HID1: variants seen among roughly 807,000 people sequenced by gnomAD.
The protein encoded by HID1 is protein HID1.
In HID1, 42 loss-of-function variants were observed where a neutral mutation model predicts 89.7. The ratio of observed to expected loss-of-function variants is 0.47; its 90% CI spans 0.37 to 0.61. The LOEUF (loss-of-function observed/expected upper bound fraction) is 0.61, where lower values mean the gene tolerates loss of function less well. Among genes scored for constraint, HID1 ranks in the 20% least tolerant of loss-of-function variants. HID1 has a pLI of 0.00. For missense variants in HID1, 854 were observed against 1,039.3 expected (o/e 0.82, Z 2.45); for synonymous variants, 442 against 433.8 (o/e 1.02, Z -0.24).
Position 74,960,248 on chromosome 17 carries a change from T to A in HID1, c.729A>T (p.Arg243Ser). The A allele has an allele frequency of 1.2e-6, 2 of 1,606,876 alleles. No individual in the cohort carries two copies. The highest frequency in any genetic ancestry group is 8.5e-7 in the Non-Finnish European group (1 of 1,179,174). The change falls in exon 7 of 19, where the codon AGA (arginine) becomes AGT (serine). Residue 243 changes from arginine (R) to serine (S), a missense_variant and splice_region_variant. Physicochemically the swap from Arg to Ser is moderately radical, Grantham distance 110 (BLOSUM62 -1). Coordinates refer to ENST00000425042, the MANE Select transcript of HID1 (RefSeq NM_030630.3). ...GGGAGGTGAAGAGGGGCAGGGCATG[T>A]CTGCAGCAGGAGAGGGACAAGGCTG... The part of the protein sequence containing the change: ...WVQFFCSTEN[R>S]HALPLFTSLL...
intron 1 of HID1, among the ~76,000 whole-genome samples, chr17:74,971,604 C>T (rs889242126): frequency 2.6e-5 from 4 of 152,024 alleles, no homozygotes; most frequent in Admixed American, 2.6e-4. Context: ...GGTGGGGGGG[C>T]CAGGAAAGAG....
Position 74,958,357 on chromosome 17 carries a change from G to A in HID1, c.1362C>T (p.Phe454=). The A allele has an allele frequency of 6.2e-7, 1 of 1,613,266 alleles. No individual in the cohort carries two copies. The highest frequency in any genetic ancestry group is 8.5e-7 in the Non-Finnish European group (1 of 1,179,706). Residue 454 remains phenylalanine, a synonymous_variant, in exon 11 of 19, where the codon TTC becomes TTT. Coordinates refer to ENST00000425042, the MANE Select transcript of HID1 (RefSeq NM_030630.3). The surrounding 1 kb of genome is among the most constrained non-coding windows in gnomAD (Gnocchi z 5.2). Reference sequence around the variant, plus strand: ...TGAGCAGGTCGGCGTGGGTCCCTGTGAAGACTGGGATGTCCATGGGCACGC... The same window carrying A: ...TGAGCAGGTCGGCGTGGGTCCCTGTAAAGACTGGGATGTCCATGGGCACGC... ...SIRVPMDIPV[F]TGTHADLLIV...
rs373878391 is a variant in HID1 at position 74,963,820 on chromosome 17, G to A, written c.307C>T (p.Arg103Cys). The A allele has an allele frequency of 4.3e-5, 69 of 1,613,980 alleles. No individual in the cohort carries two copies. Among genetic ancestry groups the A allele is most frequent in the Non-Finnish European group, 5.4e-5 (64 of 1,179,998 alleles). The change falls in exon 3 of 19, where the codon CGC (arginine) becomes TGC (cysteine). Residue 103 changes from arginine (R) to cysteine (C), a missense_variant. Coordinates refer to ENST00000425042, the MANE Select transcript of HID1 (RefSeq NM_030630.3). ...IVLNCSRLLT[R>C]VLPYIFEDPD... Reference sequence around the variant, plus strand: ...TCCTCAAAGATGTAGGGCAGCACGCGGGTGAGCAGCCGGCTGCAGTTCAGG... The same window carrying A: ...TCCTCAAAGATGTAGGGCAGCACGCAGGTGAGCAGCCGGCTGCAGTTCAGG...
rs567284964 is a variant in HID1 at position 74,955,402 on chromosome 17, G to A, written c.1636+390C>T. Among the ~76,000 whole-genome samples, 4 of 152,230 alleles carry A rather than the reference G, an allele frequency of 2.6e-5. No individual in the cohort carries two copies. In the South Asian group the frequency reaches 6.2e-4, roughly 24 times the overall value. The stretch of plus-strand genomic sequence containing the variant: ...TGTAATCCCAGCTACTTGGGAGGCC[G>A]AGGCAGTAGAATTGCATGAACCTGG... On this transcript the variant is annotated intron_variant, in intron 13 of 18. Coordinates refer to ENST00000425042, the MANE Select transcript of HID1 (RefSeq NM_030630.3).
rs998960225 is a variant in HID1 at position 74,972,543 on chromosome 17, C to T, written c.66+48G>A. ...TTCGCGTACCCCCGGCCCTGCCCAG[C>T]CCCCAGCCCGGCAGGTGGATGGGGA... is the stretch of plus-strand genomic sequence containing the variant. On this transcript the variant is annotated intron_variant, in intron 1 of 18. Transcript: ENST00000425042. The surrounding 1 kb of genome is among the most constrained non-coding windows in gnomAD (Gnocchi z 6.4). 5 of 1,509,422 alleles carry T rather than the reference C, an allele frequency of 3.3e-6. No homozygotes were observed. Among genetic ancestry groups the T allele is most frequent in the Non-Finnish European group, 4.5e-6 (5 of 1,115,838 alleles). The allele number at this position is 1,509,422 out of a possible 1,614,324, so 93.5% of individuals were successfully genotyped here.
At chr17:74,969,922 CTTTT>C (rs61436029) in intron 1 of HID1, among the ~76,000 whole-genome samples, 1 of 112,150 alleles carries the variant, frequency 8.9e-6, no homozygotes, top group Non-Finnish European at 1.7e-5. Context: ...TTTCTTTTTT[CTTTT>C]TTTTTTTTTT....
At chr17:74,964,750 G>A (rs781162546) in intron 1 of HID1, 118 bp from the exon 2 acceptor site, 6 of 1,068,504 alleles carry the variant, frequency 5.6e-6, no homozygotes, top group Non-Finnish European at 6.7e-6. Flanking sequence ...TACCTGCTGG[G>A]GTCCCAGAGC....
At chr17:74,964,770 T>A in intron 1 of HID1, 138 bp from the exon 2 acceptor site, 1 of 833,174 alleles carries the variant, frequency 1.2e-6, no homozygotes, top group Non-Finnish European at 1.8e-6. Context: ...CCATCCCACA[T>A]GGGTGGGGGA....
chr17:74,972,738 C>G lies in HID1; in HGVS notation c.-82G>C. On this transcript the variant is annotated 5_prime_UTR_variant, in exon 1 of 19. Coordinates refer to ENST00000425042, the MANE Select transcript of HID1 (RefSeq NM_030630.3). The surrounding 1 kb of genome is among the most constrained non-coding windows in gnomAD (Gnocchi z 6.4). The stretch of plus-strand genomic sequence containing the variant: ...TCAGCTCCGGCTCCAGCTCCGCGGC[C>G]CCCGCGGCTCTCGCAGGAGACAAGC... 7.5e-7 allele frequency: 1 copy of G among 1,334,336 alleles called. No homozygotes were observed. The highest frequency in any genetic ancestry group is 1.0e-6 in the Non-Finnish European group (1 of 997,466). 82.7% of individuals were successfully genotyped at this position (1,334,336 alleles called of 1,614,324 possible).
At chr17:74,969,490 T>C (rs938420117) in intron 1 of HID1, among the ~76,000 whole-genome samples, 1 of 151,914 alleles carries the variant, frequency 6.6e-6, no homozygotes. Context: ...CTAGCCAATA[T>C]CTGATCTTTG....
intron 18 of HID1, 120 bp from the exon 19 acceptor site, chr17:74,951,753 C>T (rs1279994321): frequency 1.5e-6 from 2 of 1,342,974 alleles, no homozygotes; most frequent in South Asian, 1.4e-5. Context: ...CCACCCTGGG[C>T]AGCGGGTGCC....
At chr17:74,954,592 C>G (rs1327276347) in intron 13 of HID1, 3 of 710,270 alleles carry the variant, frequency 4.2e-6, no homozygotes, top group South Asian at 3.8e-5. Flanking sequence ...CCTCACAACA[C>G]CCCCGCCCCA....
Position 74,958,502 on chromosome 17 carries a change from G to T in HID1, c.1241-24C>A, listed in dbSNP as rs1312658883. On this transcript the variant is annotated intron_variant, in intron 10 of 18. Coordinates refer to ENST00000425042, the MANE Select transcript of HID1 (RefSeq NM_030630.3). This position sits in a 1 kb window ranked among gnomAD's most constrained non-coding sequence, Gnocchi z 5.2. ...AGCTGCGGCAGGTGGCGTGGGAGGG[G>T]TCACTCGGGTGGGAGGGGGAAGGAG... The T allele has an allele frequency of 2.5e-6, 4 of 1,577,454 alleles. No homozygotes were observed. The highest frequency in any genetic ancestry group is 1.3e-5 in the African/African-American group (1 of 74,134).
rs1277671735 is a variant in HID1 at position 74,962,418 on chromosome 17, G to A, written c.505-78C>T. 11 of 921,586 alleles carry A rather than the reference G, an allele frequency of 1.2e-5. No individual in the cohort carries two copies. Among genetic ancestry groups the A allele is most frequent in the African/African-American group, 8.2e-5 (5 of 60,768 alleles). The allele number at this position is 921,586 out of a possible 1,614,324, so 57.1% of individuals were successfully genotyped here. A position where few individuals can be genotyped will look rare whatever the true frequency, so the allele number is the denominator to read the frequency against. ...GCCTGGGTCAGAACCTGGCCACCTC[G>A]AGCCTCACACAGTCCCAGGGGCAGA... is the stretch of plus-strand genomic sequence containing the variant. On this transcript the variant is annotated intron_variant, in intron 4 of 18. Coordinates refer to ENST00000425042, the MANE Select transcript of HID1 (RefSeq NM_030630.3). The surrounding 1 kb of genome is among the most constrained non-coding windows in gnomAD (Gnocchi z 4.3).
intron 2 of HID1, 182 bp from the exon 3 acceptor site, chr17:74,964,092 G>A: frequency 1.6e-6 from 1 of 640,984 alleles, no homozygotes; most frequent in Admixed American, 2.8e-5. Context: ...CAGCCTTGGG[G>A]GACTGGGACA....
In HID1 at chr17:74,951,425, G is replaced by A. The variant is rs1454048581; in HGVS notation, c.*145C>T. ...CAGTTCACATTGTCCTGGCCACAGG[G>A]GTCTCTAGGGCATGACACTCAGGGC... On this transcript the variant is annotated 3_prime_UTR_variant, in exon 19 of 19. Coordinates refer to ENST00000425042, the MANE Select transcript of HID1 (RefSeq NM_030630.3). 2 of 747,058 alleles carry A rather than the reference G, an allele frequency of 2.7e-6. No homozygotes were observed. Among genetic ancestry groups the A allele is most frequent in the Non-Finnish European group, 4.6e-6 (2 of 439,490 alleles). The allele number at this position is 747,058 out of a possible 1,614,324, so 46.3% of individuals were successfully genotyped here. A position where few individuals can be genotyped will look rare whatever the true frequency, so the allele number is the denominator to read the frequency against.
intron 13 of HID1, 181 bp from the exon 14 acceptor site, chr17:74,954,546 C>T: frequency 1.9e-6 from 2 of 1,026,134 alleles, no homozygotes; most frequent in Non-Finnish European, 2.8e-6. Context: ...GCTGTGTGTG[C>T]CCACTATGGC....
At position 74,972,446 on chromosome 17, in the gene HID1, G is replaced by T; in HGVS notation, c.66+145C>A. On this transcript the variant is annotated intron_variant, in intron 1 of 18. Coordinates refer to ENST00000425042, the MANE Select transcript of HID1 (RefSeq NM_030630.3). The surrounding 1 kb of genome is among the most constrained non-coding windows in gnomAD (Gnocchi z 6.4). ...TGGAGCTTCCAGGTACAGGCCGCGGGGTCCCGTTCCGGCGCTGGCCTTGGC... is the reference window on the plus strand; with the variant it reads ...TGGAGCTTCCAGGTACAGGCCGCGGTGTCCCGTTCCGGCGCTGGCCTTGGC... 1.4e-6 allele frequency: 1 copy of T among 725,776 alleles called. No individual in the cohort carries two copies. Among genetic ancestry groups the T allele is most frequent in the Non-Finnish European group, 2.2e-6 (1 of 455,890 alleles). The allele number at this position is 725,776 out of a possible 1,614,324, so 45.0% of individuals were successfully genotyped here. A position where few individuals can be genotyped will look rare whatever the true frequency, so the allele number is the denominator to read the frequency against.
chr17:74,952,945 G>T, intron 16 of HID1, 61 bp downstream of exon 16: 2 of 1,338,352 alleles, frequency 1.5e-6, no homozygotes, highest in Non-Finnish European at 1.0e-6. Context: ...CCCAGCTCCC[G>T]CCTCAGTACC....
Sources: gnomAD v4.1 joint callset for allele counts (sites outside exome capture counted in the v4.1 genomes callset) on GRCh38, gnomAD v4.1.1 for gene constraint, Gnocchi (gnomAD v3.1) non-coding constraint, MANE v1.5 for transcripts, NCBI Gene and HGNC (gene_info 2026-07-23, HGNC 2026-07-21) for gene names.